Variants in VAT1L observed in about 807,000 individuals in gnomAD.
VAT1L encodes vesicle amine transport 1 like, also known as putative NADPH-dependent quinone oxidoreductase VAT1L.
A neutral mutation model predicts 44.1 loss-of-function variants in VAT1L; 34 were observed. The ratio of observed to expected loss-of-function variants is 0.77; its 90% CI spans 0.59 to 1.03. VAT1L has a LOEUF of 1.03. VAT1L is among the 50% of genes least tolerant of loss of function. The probability of loss-of-function intolerance (pLI) is 0.00; values close to 1 mark genes in which losing one functional copy is unlikely to be tolerated. For synonymous variants in VAT1L, 253 were observed against 202.2 expected, an observed-to-expected ratio of 1.25 and a Z score of -2.13; for missense variants, 615 against 538.8, an observed-to-expected ratio of 1.14 and a Z score of -1.40.
intron 1 of VAT1L, among the ~76,000 whole-genome samples, chr16:77,790,941 TACAC>T (rs548177355): frequency 1.3e-5 from 2 of 151,120 alleles, no homozygotes; most frequent in Non-Finnish European, 3.0e-5. Context: ...TCAGTGGCGC[TACAC>T]ACACACACAC....
intron 7 of VAT1L, among the ~76,000 whole-genome samples, chr16:77,915,568 C>T (rs946694360): frequency 5.9e-5 from 9 of 152,172 alleles, no homozygotes; most frequent in Admixed American, 5.9e-4. Context: ...GAAGGCTTCC[C>T]CAGAGGAGTG....
At chr16:77,936,312 G>C (rs1024675065) in intron 7 of VAT1L, among the ~76,000 whole-genome samples, 1 of 152,148 alleles carries the variant, frequency 6.6e-6, no homozygotes, top group Admixed American at 6.5e-5. Flanking sequence ...TAGAGCTAAA[G>C]AAACTGAGGC....
chr16:77,968,221 T>C (rs2018243568), intron 7 of VAT1L, among the ~76,000 whole-genome samples: 1 of 152,124 alleles, frequency 6.6e-6, no homozygotes, highest in South Asian at 2.1e-4. Flanking sequence ...ATTGGGGTGT[T>C]ACAGGAAAGG....
At chr16:77,824,488 G>A (rs1364447681) in intron 2 of VAT1L, among the ~76,000 whole-genome samples, 1 of 152,130 alleles carries the variant, frequency 6.6e-6, no homozygotes, top group Non-Finnish European at 1.5e-5. Context: ...AGGCACGGTG[G>A]CTCACGCCTG....
At chr16:77,975,284 A>G (rs2018325852) in intron 8 of VAT1L, among the ~76,000 whole-genome samples, 1 of 134,752 alleles carries the variant, frequency 7.4e-6, no homozygotes, top group South Asian at 2.3e-4. Context: ...ATCTCAGCTC[A>G]CTGCAACCTT....
chr16:77,941,005 A>G (rs2017876162), intron 7 of VAT1L, among the ~76,000 whole-genome samples: 2 of 152,232 alleles, frequency 1.3e-5, no homozygotes, highest in African/African-American at 2.4e-5. Context: ...TGGCAACAGT[A>G]TCAAGTTAGA....
At chr16:77,957,787 T>G (rs1297326344) in intron 7 of VAT1L, among the ~76,000 whole-genome samples, 1 of 148,928 alleles carries the variant, frequency 6.7e-6, no homozygotes, top group African/African-American at 2.4e-5. Flanking sequence ...AAATTTATAA[T>G]AATAATAATT....
intron 7 of VAT1L, among the ~76,000 whole-genome samples, chr16:77,921,564 T>G (rs904693043): frequency 3.3e-5 from 5 of 152,192 alleles, no homozygotes; most frequent in Admixed American, 6.5e-5. Flanking sequence ...CACTCTCCTG[T>G]AAACCTATGC....
chr16:77,925,785 G>A (rs1248312095), intron 7 of VAT1L, among the ~76,000 whole-genome samples: 4 of 152,228 alleles, frequency 2.6e-5, no homozygotes, highest in African/African-American at 9.6e-5. Context: ...AGTGCCTTTT[G>A]AGAAATCTAC....
intron 1 of VAT1L, among the ~76,000 whole-genome samples, chr16:77,805,697 C>G (rs547116210): frequency 8.2e-4 from 125 of 152,096 alleles, no homozygotes; most frequent in African/African-American, 2.9e-3. Context: ...TTTGATGGTG[C>G]TTTCCCTGAT....
intron 7 of VAT1L, among the ~76,000 whole-genome samples, chr16:77,891,226 C>A (rs530688563): frequency 2.6e-5 from 4 of 151,988 alleles, no homozygotes; most frequent in African/African-American, 9.7e-5. Context: ...TGATGGCAGG[C>A]GCTTGTAGTC....
chr16:77,915,738 T>C (rs1315887043), intron 7 of VAT1L, among the ~76,000 whole-genome samples: 2 of 152,090 alleles, frequency 1.3e-5, no homozygotes, highest in East Asian at 3.9e-4. Flanking sequence ...GCAAGTGAGG[T>C]TGGCTAGAAG....
At chr16:77,897,242 C>A (rs1252283386) in intron 7 of VAT1L, among the ~76,000 whole-genome samples, 1 of 152,196 alleles carries the variant, frequency 6.6e-6, no homozygotes, top group African/African-American at 2.4e-5. Flanking sequence ...ACCCCCACCT[C>A]TGGAATCCAC....
At chr16:77,789,957 A>G (rs1425785790) in intron 1 of VAT1L, among the ~76,000 whole-genome samples, 1 of 152,180 alleles carries the variant, frequency 6.6e-6, no homozygotes. Context: ...GGAACTTGCT[A>G]TTAATCACGG....
intron 3 of VAT1L, among the ~76,000 whole-genome samples, chr16:77,834,254 G>A (rs116793975): frequency 7.7e-4 from 117 of 152,014 alleles, no homozygotes; most frequent in African/African-American, 2.6e-3. Flanking sequence ...CAGTAATACC[G>A]AAGGACTTGC....
chr16:77,943,981 G>C (rs2017926257), intron 7 of VAT1L, among the ~76,000 whole-genome samples: 3 of 152,136 alleles, frequency 2.0e-5, no homozygotes, highest in South Asian at 2.1e-4. Context: ...CTTGGCTACA[G>C]ACCTGGCTCC....
At chr16:77,803,305 G>C (rs544179001) in intron 1 of VAT1L, among the ~76,000 whole-genome samples, 2 of 152,102 alleles carry the variant, frequency 1.3e-5, no homozygotes, top group Non-Finnish European at 2.9e-5. Flanking sequence ...CCATATTGGA[G>C]AGCAGCAAGG....
chr16:77,860,677 G>T (rs756365146), intron 3 of VAT1L, among the ~76,000 whole-genome samples: 9 of 152,074 alleles, frequency 5.9e-5, no homozygotes, highest in Non-Finnish European at 1.2e-4. Context: ...TTGCTGCATT[G>T]GTTGCTGATA....
intron 7 of VAT1L, among the ~76,000 whole-genome samples, chr16:77,919,052 T>C (rs563941994): frequency 1.2e-4 from 18 of 152,282 alleles, no homozygotes; most frequent in African/African-American, 3.4e-4. Context: ...GCTGTGCCAA[T>C]AGGGGAGAGG....
Sources: gnomAD v4.1 joint callset for allele counts (sites outside exome capture counted in the v4.1 genomes callset) on GRCh38, gnomAD v4.1.1 for gene constraint, MANE v1.5 for transcripts, NCBI Gene and HGNC (gene_info 2026-07-23, HGNC 2026-07-21) for gene names.